The following CLVS1 variants were observed in gnomAD, a reference collection of about 807,000 sequenced individuals.
CLVS1 encodes clavesin-1.
In CLVS1, 10 loss-of-function variants were observed where a neutral mutation model predicts 33.1. The ratio of observed to expected loss-of-function variants is 0.30; its 90% CI spans 0.19 to 0.51. The LOEUF (loss-of-function observed/expected upper bound fraction) is 0.51, where lower values mean the gene tolerates loss of function less well. Among genes scored for constraint, CLVS1 ranks in the 20% least tolerant of loss-of-function variants. The probability of loss-of-function intolerance (pLI) is 0.97; values close to 1 mark genes in which losing one functional copy is unlikely to be tolerated. For missense variants in CLVS1, 343 were observed against 433.4 expected (o/e 0.79, Z 1.85); for synonymous variants, 163 against 166.1 (o/e 0.98, Z 0.14).
chr8:61,168,160 C>A (rs1159383167), intron 2 of CLVS1, among the ~76,000 whole-genome samples: 1 of 152,168 alleles, frequency 6.6e-6, no homozygotes, highest in Non-Finnish European at 1.5e-5. Context: ...CTAAAGGAGA[C>A]TTCTAACAAC....
intron 2 of CLVS1, among the ~76,000 whole-genome samples, chr8:61,177,787 AAAC>A (rs1345701171): frequency 6.8e-6 from 1 of 146,014 alleles, no homozygotes; most frequent in Non-Finnish European, 1.5e-5. Flanking sequence ...CAACGGAAAG[AAAC>A]AACAACAGCA....
At chr8:61,323,326 T>C (rs1811265734) in intron 2 of CLVS1, among the ~76,000 whole-genome samples, 1 of 152,136 alleles carries the variant, frequency 6.6e-6, no homozygotes, top group Admixed American at 6.6e-5. Flanking sequence ...GCAGTGTCAC[T>C]CCTACTCCAT....
At chr8:61,281,599 A>T (rs975706888) in intron 2 of CLVS1, among the ~76,000 whole-genome samples, 3 of 152,202 alleles carry the variant, frequency 2.0e-5, no homozygotes, top group African/African-American at 7.2e-5. Flanking sequence ...TATGTTGTTT[A>T]AGTCAACAAA....
intron 3 of CLVS1, among the ~76,000 whole-genome samples, chr8:61,448,249 A>G (rs1240447888): frequency 6.6e-6 from 1 of 152,028 alleles, no homozygotes; most frequent in East Asian, 1.9e-4. Context: ...ACTGTTTGGT[A>G]TTCACTCAGC....
chr8:61,418,896 T>C (rs905943570), intron 3 of CLVS1, among the ~76,000 whole-genome samples: 2 of 152,126 alleles, frequency 1.3e-5, no homozygotes, highest in African/African-American at 4.8e-5. Flanking sequence ...GGAGGCTGCA[T>C]CAGTGCCAAC....
intron 2 of CLVS1, among the ~76,000 whole-genome samples, chr8:61,281,177 T>C (rs1172637287): frequency 1.3e-5 from 2 of 152,220 alleles, no homozygotes; most frequent in East Asian, 1.9e-4. Context: ...TGAAATGAGA[T>C]ATATTGAAAG....
intron 2 of CLVS1, among the ~76,000 whole-genome samples, chr8:61,164,348 G>T (rs1341922015): frequency 6.6e-6 from 1 of 152,172 alleles, no homozygotes; most frequent in Admixed American, 6.5e-5. Context: ...TTCTTTTAAA[G>T]CAGCTCCAGA....
chr8:60,998,286 C>T, the CLVS1 span, among the ~76,000 whole-genome samples: 1 of 152,306 alleles, frequency 6.6e-6, no homozygotes, highest in Non-Finnish European at 1.5e-5. Context: ...CTTACCCACA[C>T]CCTACCTACT....
intron 3 of CLVS1, among the ~76,000 whole-genome samples, chr8:61,419,400 A>G (rs1815567228): frequency 6.6e-6 from 1 of 151,504 alleles, no homozygotes; most frequent in African/African-American, 2.4e-5. Context: ...CCGTCTCAAA[A>G]AAAAAAAAAA....
chr8:61,248,508 C>CT (rs1006832874), intron 2 of CLVS1, among the ~76,000 whole-genome samples: 2 of 151,960 alleles, frequency 1.3e-5, no homozygotes, highest in African/African-American at 4.8e-5. Flanking sequence ...TTTCACTTCC[C>CT]TTGTTAGCTG....
intron 1 of CLVS1, among the ~76,000 whole-genome samples, chr8:61,058,579 A>G (rs1298649713): frequency 6.6e-6 from 1 of 152,224 alleles, no homozygotes; most frequent in Non-Finnish European, 1.5e-5. Flanking sequence ...AAATGTGGAA[A>G]GTGTACAGTT....
intron 1 of CLVS1, among the ~76,000 whole-genome samples, chr8:61,078,348 G>C (rs1320069282): frequency 2.6e-5 from 4 of 152,290 alleles, no homozygotes; most frequent in Admixed American, 2.0e-4. Context: ...ATTTGGACGG[G>C]GACACCTGGC....
chr8:61,474,647 T>C (rs2129607867), intron 5 of CLVS1, among the ~76,000 whole-genome samples: 1 of 152,186 alleles, frequency 6.6e-6, no homozygotes, highest in South Asian at 2.1e-4. Context: ...GCAGGTGAGA[T>C]TGGTTAGGAC....
intron 1 of CLVS1, among the ~76,000 whole-genome samples, chr8:61,075,867 C>T (rs1296603278): frequency 6.6e-6 from 1 of 152,192 alleles, no homozygotes; most frequent in South Asian, 2.1e-4. Context: ...CTTCCTTCTT[C>T]CCTTACATCT....
chr8:61,014,483 G>A, the CLVS1 span, among the ~76,000 whole-genome samples: 1 of 152,150 alleles, frequency 6.6e-6, no homozygotes, highest in Non-Finnish European at 1.5e-5. Context: ...AAGGAGTATG[G>A]GCATCAAGAA....
chr8:61,476,463 T>C (rs1817936190), intron 5 of CLVS1, among the ~76,000 whole-genome samples: 1 of 152,220 alleles, frequency 6.6e-6, no homozygotes, highest in Non-Finnish European at 1.5e-5. Context: ...TGTATCCTCT[T>C]TTATTTCATT....
At chr8:61,486,426 C>G (rs1803885837) in intron 5 of CLVS1, among the ~76,000 whole-genome samples, 1 of 152,182 alleles carries the variant, frequency 6.6e-6, no homozygotes, top group South Asian at 2.1e-4. Flanking sequence ...ATAGTTCAGG[C>G]TACTGACCTG....
chr8:61,432,675 G>A (rs919415441), intron 3 of CLVS1, among the ~76,000 whole-genome samples: 1 of 152,116 alleles, frequency 6.6e-6, no homozygotes, highest in Admixed American at 6.5e-5. Context: ...GATAATGCCA[G>A]CAAACTAATA....
chr8:61,406,623 G>T (rs561801039), intron 3 of CLVS1, among the ~76,000 whole-genome samples: 111 of 151,852 alleles, frequency 7.3e-4, no homozygotes, highest in Non-Finnish European at 1.3e-3. Flanking sequence ...TTTTGTGGGG[G>T]GGGGGATGGA....
Sources: allele counts gnomAD v4.1 joint callset (sites outside exome capture counted in the v4.1 genomes callset), GRCh38; gene constraint gnomAD v4.1.1; transcripts MANE v1.5; gene names NCBI Gene and HGNC (gene_info 2026-07-23, HGNC 2026-07-21).